Variants in SULF1 observed in about 807,000 individuals in gnomAD.
The protein encoded by SULF1 is extracellular sulfatase Sulf-1.
SULF1 carries 46 observed loss-of-function variants against 110.5 expected under a neutral mutation model. The observed-to-expected ratio is 0.42, with a 90% CI of 0.33 to 0.53. The LOEUF is 0.53. Among genes scored for constraint, SULF1 ranks in the 20% least tolerant of loss-of-function variants. The pLI is 0.12. For synonymous variants in SULF1, 371 were observed against 387.1 expected (o/e 0.96, Z 0.49); for missense variants, 941 against 1,094.2 (o/e 0.86, Z 1.98).
intron 15 of SULF1, among the ~76,000 whole-genome samples, chr8:69,625,786 G>A (rs1266795820): frequency 6.6e-6 from 1 of 152,160 alleles, no homozygotes; most frequent in Non-Finnish European, 1.5e-5. Flanking sequence ...TGTGGAAGGG[G>A]ACCCAGGCAG....
upstream of SULF1, among the ~76,000 whole-genome samples, chr8:69,488,730 C>T (rs1286519087): frequency 1.3e-5 from 2 of 152,000 alleles, no homozygotes; most frequent in Admixed American, 6.6e-5. Context: ...GGACAGATGA[C>T]AGCCACAGCA....
chr8:69,563,949 C>T lies in SULF1; in HGVS notation c.-27C>T, dbSNP rs1337493377. On this transcript the variant is annotated 5_prime_UTR_variant, in exon 5 of 23. Transcript: ENST00000402687. ...AAATCAGGAGACGGAGACATTTTGT[C>T]AGTTTTGCAACATTGGACCAAATAC... The T allele has an allele frequency of 6.2e-7, 1 of 1,604,936 alleles. No individual in the cohort carries two copies. Among genetic ancestry groups the T allele is most frequent in the Non-Finnish European group, 8.5e-7 (1 of 1,172,636 alleles).
intron 13 of SULF1, among the ~76,000 whole-genome samples, chr8:69,616,216 A>C (rs138824194): frequency 3.5e-5 from 5 of 144,142 alleles, no homozygotes; most frequent in African/African-American, 1.3e-4. Context: ...GTGTGTATAT[A>C]TATATATATA....
At chr8:69,566,099 G>A (rs929257441) in intron 5 of SULF1, among the ~76,000 whole-genome samples, 1 of 151,732 alleles carries the variant, frequency 6.6e-6, no homozygotes, top group Non-Finnish European at 1.5e-5. Context: ...TTCCACCATA[G>A]CCTTCCATGC....
chr8:69,495,543 C>T (rs1810286028), intron 1 of SULF1, among the ~76,000 whole-genome samples: 1 of 152,088 alleles, frequency 6.6e-6, no homozygotes, highest in African/African-American at 2.4e-5. Context: ...TCCCTGCTGC[C>T]AAATGAATTT....
At chr8:69,500,120 C>T (rs999720339) in intron 2 of SULF1, among the ~76,000 whole-genome samples, 16 of 152,174 alleles carry the variant, frequency 1.1e-4, no homozygotes, top group African/African-American at 2.9e-4. Context: ...ATTCTGGTCT[C>T]ATTTCATGAA....
chr8:69,482,608 A>G (rs1586199220), intron 1 of SULF1, among the ~76,000 whole-genome samples: 2 of 151,916 alleles, frequency 1.3e-5, no homozygotes, highest in African/African-American at 4.8e-5. Flanking sequence ...GGGCAGGGGG[A>G]GGGAATGAAA....
At chr8:69,606,253 G>A (rs540400409) in intron 13 of SULF1, among the ~76,000 whole-genome samples, 3 of 152,300 alleles carry the variant, frequency 2.0e-5, no homozygotes, top group African/African-American at 7.2e-5. Context: ...GCTGTTGAAG[G>A]AAGGGCTAAA....
At chr8:69,631,298 A>G (rs1016218433) in intron 19 of SULF1, among the ~76,000 whole-genome samples, 3 of 152,170 alleles carry the variant, frequency 2.0e-5, no homozygotes, top group African/African-American at 7.2e-5. Context: ...TTATCATCTG[A>G]GTTGAGGCCA....
intron 22 of SULF1, among the ~76,000 whole-genome samples, chr8:69,646,014 T>C (rs927238400): frequency 6.6e-6 from 1 of 152,162 alleles, no homozygotes; most frequent in Non-Finnish European, 1.5e-5. Flanking sequence ...TAAGCTAAAA[T>C]GTCAAAAATT....
intron 3 of SULF1, among the ~76,000 whole-genome samples, chr8:69,511,546 G>C (rs1490182618): frequency 6.6e-6 from 1 of 152,172 alleles, no homozygotes; most frequent in African/African-American, 2.4e-5. Flanking sequence ...CAAAACATCT[G>C]TTGAGACTTA....
At chr8:69,519,226 G>A (rs532176113) in intron 3 of SULF1, among the ~76,000 whole-genome samples, 1 of 152,224 alleles carries the variant, frequency 6.6e-6, no homozygotes, top group African/African-American at 2.4e-5. Flanking sequence ...TCCCCGCAAG[G>A]CAGTGAGACC....
chr8:69,503,192 A>G (rs998264445), intron 3 of SULF1, among the ~76,000 whole-genome samples: 11 of 152,214 alleles, frequency 7.2e-5, no homozygotes, highest in Non-Finnish European at 1.5e-4. Flanking sequence ...TTCTACAAGT[A>G]TTACGTGAAG....
chr8:69,489,639 C>T (rs913308534), upstream of SULF1, among the ~76,000 whole-genome samples: 3 of 129,494 alleles, frequency 2.3e-5, no homozygotes, highest in South Asian at 4.7e-4. Flanking sequence ...TGCAGAGGGG[C>T]GATCTTGGCT....
At chr8:69,497,380 ACTC>A (rs1446197556) in intron 2 of SULF1, among the ~76,000 whole-genome samples, 1 of 150,678 alleles carries the variant, frequency 6.6e-6, no homozygotes, top group African/African-American at 2.4e-5. Flanking sequence ...CTGATCTCAA[ACTC>A]CTGATCTCAT....
At chr8:69,582,673 C>CT (rs1806156456) in intron 6 of SULF1, among the ~76,000 whole-genome samples, 1 of 137,730 alleles carries the variant, frequency 7.3e-6, no homozygotes, top group African/African-American at 2.8e-5. Flanking sequence ...AATCACTATG[C>CT]TTTTTGCCTT....
intron 15 of SULF1, among the ~76,000 whole-genome samples, chr8:69,624,402 A>C (rs1231696816): frequency 3.3e-5 from 5 of 152,240 alleles, no homozygotes; most frequent in Non-Finnish European, 7.3e-5. Flanking sequence ...GTTTGATTTC[A>C]CATTAAGACT....
chr8:69,616,703 T>A (rs973791765), intron 13 of SULF1, among the ~76,000 whole-genome samples: 19 of 12,832 alleles, frequency 1.5e-3, no homozygotes, highest in Non-Finnish European at 9.0e-4. Flanking sequence ...TGCCCGGCCG[T>A]TTTTTTTTTT....
At position 69,619,654 on chromosome 8, in the gene SULF1, G is replaced by GC. The variant is rs1419358937; in HGVS notation, c.1378-1380dup. On this transcript the variant is annotated intron_variant, in intron 13 of 22. Transcript: ENST00000402687. ...GAAGTGAACTCTGTCTCACATAGCAGCATGCCCACTCTCTGCCGAGTATGC... is the reference window on the plus strand; with the variant it reads ...GAAGTGAACTCTGTCTCACATAGCAGCCATGCCCACTCTCTGCCGAGTATGC... 2.0e-5 allele frequency among the ~76,000 whole-genome samples: 3 copies of GC among 152,348 alleles called. No individual in the cohort carries two copies. The East Asian group carries it at 5.8e-4, about 29-fold the overall frequency.
Sources: gnomAD v4.1 joint callset for allele counts (sites outside exome capture counted in the v4.1 genomes callset) on GRCh38, gnomAD v4.1.1 for gene constraint, MANE v1.5 for transcripts, NCBI Gene and HGNC (gene_info 2026-07-23, HGNC 2026-07-21) for gene names.